Variants in GPR155 observed in about 807,000 individuals in gnomAD.
GPR155 encodes the protein G protein-coupled receptor 155.
A neutral mutation model predicts 93.1 loss-of-function variants in GPR155; 65 were observed. That is an observed-to-expected ratio of 0.70 (90% CI 0.57 to 0.86). GPR155 has a LOEUF of 0.86. Among genes scored for constraint, GPR155 ranks in the 40% least tolerant of loss-of-function variants. GPR155 has a pLI of 0.00. For synonymous variants in GPR155, 319 were observed against 360.1 expected (o/e 0.89, Z 1.29); for missense variants, 838 against 1,034.8 (o/e 0.81, Z 2.61).
chr2:174,475,343 A>C (rs1044225869), intron 2 of GPR155, among the ~76,000 whole-genome samples: 1 of 150,304 alleles, frequency 6.7e-6, no homozygotes, highest in Non-Finnish European at 1.5e-5. Context: ...TTCTCAATTT[A>C]CACTAAGATA....
chr2:174,486,369 A>C lies in GPR155; in HGVS notation c.-32+504T>G, dbSNP rs144273060. 1.4e-4 allele frequency among the ~76,000 whole-genome samples: 21 copies of C among 152,252 alleles called. No homozygotes were observed. The East Asian group carries it at 4.1e-3, about 29-fold the overall frequency. The stretch of plus-strand genomic sequence containing the variant: ...CTGGGAAGGCAGCTGTGGAAGTGGA[A>C]AGGCAGCCAGGGGTCTTTGCCTGGC... On this transcript the variant is annotated intron_variant, in intron 1 of 15. Coordinates refer to ENST00000392552, the MANE Select transcript of GPR155 (RefSeq NM_152529.7).
At chr2:174,445,985 A>G (rs947741370) in intron 12 of GPR155, among the ~76,000 whole-genome samples, 2 of 151,942 alleles carry the variant, frequency 1.3e-5, no homozygotes, top group Non-Finnish European at 2.9e-5. Flanking sequence ...TATGTTAGGA[A>G]TAAGTGGCCC....
intron 14 of GPR155, among the ~76,000 whole-genome samples, chr2:174,441,888 G>A (rs944692559): frequency 6.6e-6 from 1 of 151,386 alleles, no homozygotes; most frequent in Non-Finnish European, 1.5e-5. Context: ...GACTACAAAA[G>A]CATGCCACCA....
Position 174,473,337 on chromosome 2 carries a change from G to C in GPR155, c.488C>G (p.Pro163Arg), listed in dbSNP as rs755749803. The C allele has an allele frequency of 3.8e-6, 6 of 1,591,810 alleles. No individual in the cohort carries two copies. Among genetic ancestry groups the C allele is most frequent in the Non-Finnish European group, 4.3e-6 (5 of 1,170,124 alleles). The change falls in exon 3 of 16, where the codon CCA becomes CGA. Residue 163 changes from proline (P) to arginine (R), a missense_variant. Coordinates refer to ENST00000392552, the MANE Select transcript of GPR155 (RefSeq NM_152529.7). ...CAAATAAATGTACTGGAGATATTCT[G>C]GGTATGTAGTTTGATATAAAGCTTC... ...IVEALYQTTY[P>R]EYLQYIYLVA...
In GPR155 at chr2:174,436,337, C is replaced by T. The variant is rs149261109; in HGVS notation, c.2392G>A (p.Asp798Asn). 2.4e-4 allele frequency: 391 copies of T among 1,614,152 alleles called. No individual in the cohort carries two copies. The highest frequency in any genetic ancestry group is 9.9e-4 in the Middle Eastern group (6 of 6,062). Residue 798 changes from aspartate to asparagine, a missense_variant, in exon 16 of 16, where the codon GAC becomes AAC. This residue lies in a region of GPR155 where 146 missense variants were observed against 177.5 expected (regional missense o/e 0.82). Coordinates refer to ENST00000392552, the MANE Select transcript of GPR155 (RefSeq NM_152529.7). ...SWLIEVGLASDRGEAVIYGDR... is the reference protein window; with the variant it reads ...SWLIEVGLASNRGEAVIYGDR... The stretch of plus-strand genomic sequence containing the variant: ...CCGTATATCACAGCTTCACCACGGT[C>T]GGAGGCAAGGCCGACTTCAATTAGC...
At position 174,447,009 on chromosome 2, in the gene GPR155, C is replaced by T. The variant is rs559943068; in HGVS notation, c.1877-262G>A. Among the ~76,000 whole-genome samples, 309 of 152,148 alleles carry T rather than the reference C, an allele frequency of 2.0e-3. 1 individual carries two copies. Among genetic ancestry groups the T allele is most frequent in the Non-Finnish European group, 3.3e-3 (223 of 68,004 alleles). On this transcript the variant is annotated intron_variant, in intron 11 of 15. Coordinates refer to ENST00000392552, the MANE Select transcript of GPR155 (RefSeq NM_152529.7). ...AACAATGTTTTATATATATAATTATCTAACATAAGTTATATAATTTGGTCT... is the reference window on the plus strand; with the variant it reads ...AACAATGTTTTATATATATAATTATTTAACATAAGTTATATAATTTGGTCT...
Position 174,481,754 on chromosome 2 carries a change from G to T in GPR155, c.203C>A (p.Thr68Asn), listed in dbSNP as rs1688328158. ...AAAATTTCCTAGTCCTTTGGCCTGG[G>T]TTGATGTTATGACATTGGCCCTTCC... ...IAGRANVITS[T>N]QAKGLGNFVS... Residue 68 changes from threonine to asparagine, a missense_variant, in exon 2 of 16, where the codon ACC becomes AAC. Transcript: ENST00000392552. 1 of 1,614,064 alleles carries T rather than the reference G, an allele frequency of 6.2e-7. No homozygotes were observed. Among genetic ancestry groups the T allele is most frequent in the South Asian group, 1.1e-5 (1 of 91,084 alleles).
Position 174,449,206 on chromosome 2 carries a change from T to C in GPR155, c.1877-2459A>G, listed in dbSNP as rs13394882. Among the ~76,000 whole-genome samples the C allele has an allele frequency of 5.4e-3, 823 of 152,256 alleles. 5 individuals carry two copies. Among genetic ancestry groups the C allele is most frequent in the African/African-American group, 0.019 (773 of 41,564 alleles). On this transcript the variant is annotated intron_variant, in intron 11 of 15. Transcript: ENST00000392552. ...ACCGTCTTGCATCAGTCAGAAGGGC[T>C]ATTATTAAAAAATCAATAAACAACA...
At chr2:174,473,843 G>A (rs1375036687) in intron 2 of GPR155, among the ~76,000 whole-genome samples, 1 of 152,192 alleles carries the variant, frequency 6.6e-6, no homozygotes, top group Non-Finnish European at 1.5e-5. Flanking sequence ...AAAGGAGCAC[G>A]GATGTGGAAT....
At chr2:174,485,846 A>T (rs537585758) in intron 1 of GPR155, among the ~76,000 whole-genome samples, 93 of 152,352 alleles carry the variant, frequency 6.1e-4, no homozygotes, top group African/African-American at 2.1e-3. Context: ...TTATCTATAA[A>T]AACAAAGCTT....
At position 174,473,165 on chromosome 2, in the gene GPR155, T is replaced by C. The variant is rs1211760467; in HGVS notation, c.660A>G (p.Val220=). The change falls in exon 3 of 16, where the codon GTA becomes GTG. Residue 220 remains valine, a synonymous_variant. Coordinates refer to ENST00000392552, the MANE Select transcript of GPR155 (RefSeq NM_152529.7). ...AGGCGATGCCAATGAAGACCATAAA[T>C]ACTATTGGGTTCTGTAATACACGCA... ...GLLRVLQNPI[V]FMVFIGIAFN... The C allele has an allele frequency of 1.2e-6, 2 of 1,612,958 alleles. No individual in the cohort carries two copies. The highest frequency in any genetic ancestry group is 1.3e-5 in the African/African-American group (1 of 74,832).
At chr2:174,455,800 G>A (rs1372930210) in intron 10 of GPR155, among the ~76,000 whole-genome samples, 1 of 152,170 alleles carries the variant, frequency 6.6e-6, no homozygotes, top group Non-Finnish European at 1.5e-5. Flanking sequence ...CTTTGACAAA[G>A]AGAACAAGTG....
At chr2:174,481,446 ATAAAT>A (rs778330214) in intron 2 of GPR155, 46 bp downstream of exon 2, 10 of 1,165,474 alleles carry the variant, frequency 8.6e-6, no homozygotes, top group Non-Finnish European at 1.2e-5. Context: ...AAATGCCTAA[ATAAAT>A]TAAAATTGAA....
chr2:174,451,650 A>G (rs575432602), intron 11 of GPR155, among the ~76,000 whole-genome samples: 25 of 152,270 alleles, frequency 1.6e-4, no homozygotes, highest in African/African-American at 6.0e-4. Context: ...AGAATTTTCA[A>G]TGATCAACTT....
rs1267388870 is a variant in GPR155, at chr2:174,435,506, C to T, written c.*610G>A. 5 of 108,212 alleles carry T rather than the reference C, an allele frequency of 4.6e-5. No homozygotes were observed. The highest frequency in any genetic ancestry group is 1.6e-4 in the African/African-American group (5 of 31,620). 6.7% of individuals were successfully genotyped at this position (108,212 alleles called of 1,614,324 possible). On this transcript the variant is annotated 3_prime_UTR_variant, in exon 16 of 16. Coordinates refer to ENST00000392552, the MANE Select transcript of GPR155 (RefSeq NM_152529.7). ...TTTATTTTTGAGATAGAGTCTTGCT[C>T]TGTTGCTCAGGCTGGAGTGCAGTGG... is the stretch of plus-strand genomic sequence containing the variant.
rs753114171 is a variant in GPR155, at chr2:174,481,508, C to G, written c.449G>C (p.Gly150Ala). Residue 150 changes from glycine (G) to alanine (A), a missense_variant, in exon 2 of 16, where the codon GGA becomes GCA. Coordinates refer to ENST00000392552, the MANE Select transcript of GPR155 (RefSeq NM_152529.7). Reference sequence around the variant, plus strand: ...AAAAATTAACTTACCTATAGGGTATCCCAATGCAAAGTCATTACTTTGTGT... The same window carrying G: ...AAAAATTAACTTACCTATAGGGTATGCCAATGCAAAGTCATTACTTTGTGT... Reference protein sequence around the residue: ...FATQSNDFALGYPIVEALYQT... With the variant: ...FATQSNDFALAYPIVEALYQT... 1 of 1,592,152 alleles carries G rather than the reference C, an allele frequency of 6.3e-7. No homozygotes were observed. Among genetic ancestry groups the G allele is most frequent in the Non-Finnish European group, 8.6e-7 (1 of 1,165,574 alleles).
intron 3 of GPR155, among the ~76,000 whole-genome samples, chr2:174,472,270 G>T (rs935233306): frequency 6.6e-6 from 1 of 152,168 alleles, no homozygotes; most frequent in Non-Finnish European, 1.5e-5. Flanking sequence ...GCCAGGTGTG[G>T]TGGCAGGCAC....
chr2:174,442,196 AC>A lies in GPR155; in HGVS notation c.2110-14del, dbSNP rs754900860. 1 of 1,259,680 alleles carries A rather than the reference AC, an allele frequency of 7.9e-7. No individual in the cohort carries two copies. The highest frequency in any genetic ancestry group is 1.2e-5 in the South Asian group (1 of 83,542). The allele number at this position is 1,259,680 out of a possible 1,614,324, so 78.0% of individuals were successfully genotyped here. ...AGGAAATAAATCCCTAGGGAAGAAA[AC>A]AAAGTTATTTTTTTCAGAATTCAAC... is the stretch of plus-strand genomic sequence containing the variant. On this transcript the variant is annotated splice_polypyrimidine_tract_variant and intron_variant, in intron 13 of 15. Coordinates refer to ENST00000392552, the MANE Select transcript of GPR155 (RefSeq NM_152529.7).
chr2:174,471,182 G>C (rs985586750), intron 3 of GPR155, among the ~76,000 whole-genome samples: 1 of 152,042 alleles, frequency 6.6e-6, no homozygotes, highest in Non-Finnish European at 1.5e-5. Flanking sequence ...GTTCAGGTCA[G>C]GAGTTGAAGA....
Sources: allele counts gnomAD v4.1 joint callset (sites outside exome capture counted in the v4.1 genomes callset), GRCh38; gene constraint gnomAD v4.1.1; regional missense constraint gnomAD v4.1.1; transcripts MANE v1.5; gene names NCBI Gene and HGNC (gene_info 2026-07-23, HGNC 2026-07-21).